The following TAF2 variants were observed in gnomAD, a reference collection of about 807,000 sequenced individuals.
The protein encoded by TAF2 is TATA-box binding protein associated factor 2.
In TAF2, 61 loss-of-function variants were observed where a neutral mutation model predicts 138.5. That is an observed-to-expected ratio of 0.44 (90% CI 0.36 to 0.54). The LOEUF is 0.54. Ranked by LOEUF, TAF2 falls within the 20% of genes least tolerant of loss-of-function variation. TAF2 has a pLI of 0.00. For synonymous variants in TAF2, 475 were observed against 469.9 expected (o/e 1.01, Z -0.14); for missense variants, 1,090 against 1,427.9 (o/e 0.76, Z 3.81).
intron 14 of TAF2, among the ~76,000 whole-genome samples, chr8:119,786,839 T>C (rs1000482335): frequency 4.6e-5 from 7 of 152,120 alleles, no homozygotes; most frequent in Admixed American, 2.6e-4. Flanking sequence ...GGAGAATTGC[T>C]TGAACCGGGA....
At chr8:119,807,018 G>T (rs1302532160) in intron 3 of TAF2, among the ~76,000 whole-genome samples, 1 of 152,126 alleles carries the variant, frequency 6.6e-6, no homozygotes, top group African/African-American at 2.4e-5. Context: ...CAAATGTAAA[G>T]AATACGTGAA....
intron 2 of TAF2, among the ~76,000 whole-genome samples, chr8:119,825,902 C>G (rs1309795565): frequency 1.3e-5 from 2 of 151,204 alleles, no homozygotes; most frequent in East Asian, 3.9e-4. Flanking sequence ...CTGTGTTAGC[C>G]AGGATGGTCT....
chr8:119,818,456 T>C (rs537225027), intron 3 of TAF2, among the ~76,000 whole-genome samples: 5 of 152,156 alleles, frequency 3.3e-5, no homozygotes, highest in African/African-American at 4.8e-5. Context: ...CCCAATGTTA[T>C]CAAAGCTTTG....
intron 2 of TAF2, among the ~76,000 whole-genome samples, chr8:119,825,723 C>T (rs970832102): frequency 1.3e-5 from 2 of 152,064 alleles, no homozygotes; most frequent in African/African-American, 2.4e-5. Flanking sequence ...CTCGCTCTGT[C>T]GCCCAGGCTG....
rs1290621180 is a variant in TAF2, at chr8:119,762,533, T to C, written c.2440A>G (p.Asn814Asp). The change falls in exon 19 of 26, where the codon AAT becomes GAT. Residue 814 changes from asparagine to aspartate, a missense_variant. Coordinates refer to ENST00000378164, the MANE Select transcript of TAF2 (RefSeq NM_003184.4). Reference protein sequence around the residue: ...NSVTPAVSVNNEVRTLDNLNP... With the variant: ...NSVTPAVSVNDEVRTLDNLNP... The stretch of plus-strand genomic sequence containing the variant: ...AAGTTATCCAAAGTTCTAACTTCAT[T>C]ATTCACACTGACTGCAGGTGTAACA... The C allele has an allele frequency of 5.0e-6, 8 of 1,613,806 alleles. No individual in the cohort carries two copies. The highest frequency in any genetic ancestry group is 4.0e-5 in the African/African-American group (3 of 74,924).
At chr8:119,791,518 A>G in intron 10 of TAF2, 59 bp from the exon 11 acceptor site, 1 of 1,557,668 alleles carries the variant, frequency 6.4e-7, no homozygotes, top group East Asian at 2.4e-5. Flanking sequence ...ATAAAAAATA[A>G]ATTTCATGAC....
chr8:119,802,612 T>C (rs1024791912), intron 5 of TAF2, among the ~76,000 whole-genome samples: 12 of 152,180 alleles, frequency 7.9e-5, no homozygotes, highest in Non-Finnish European at 1.3e-4. Flanking sequence ...AGAGAAGTTA[T>C]TATAATAATC....
chr8:119,745,882 TCAG>T (rs914681866), intron 23 of TAF2, among the ~76,000 whole-genome samples: 1 of 150,944 alleles, frequency 6.6e-6, no homozygotes, highest in African/African-American at 2.4e-5. Flanking sequence ...TCCTCCCAAA[TCAG>T]CAGATTATTA....
intron 21 of TAF2, 72 bp downstream of exon 21, chr8:119,758,001 T>G (rs1231878026): frequency 2.5e-6 from 3 of 1,218,614 alleles, no homozygotes; most frequent in Non-Finnish European, 3.6e-6. Flanking sequence ...AAGCATTTTA[T>G]GTGTAATCTG....
chr8:119,827,933 T>C (rs747344194), intron 2 of TAF2, among the ~76,000 whole-genome samples: 6 of 151,990 alleles, frequency 3.9e-5, no homozygotes, highest in African/African-American at 9.7e-5. Context: ...TTAGTAGAGA[T>C]AGGGTTTCAC....
chr8:119,763,776 A>G lies in TAF2; in HGVS notation c.2365-1168T>C, dbSNP rs548834638. 9.2e-5 allele frequency among the ~76,000 whole-genome samples: 14 copies of G among 152,102 alleles called. No homozygotes were observed. The South Asian group carries it at 2.9e-3, about 32-fold the overall frequency. On this transcript the variant is annotated intron_variant, in intron 18 of 25. Coordinates refer to ENST00000378164, the MANE Select transcript of TAF2 (RefSeq NM_003184.4). ...CTGTACTCTATTTAGCCTGGGTGAC[A>G]GAGCAAGACTCCATCTCAAGTGAGC... is the stretch of plus-strand genomic sequence containing the variant.
At chr8:119,791,787 C>A (rs895118492) in intron 10 of TAF2, 1 of 188,914 alleles carries the variant, frequency 5.3e-6, no homozygotes, top group Non-Finnish European at 1.1e-5. Flanking sequence ...GAAGCATGCA[C>A]TAAAATATAT....
intron 2 of TAF2, among the ~76,000 whole-genome samples, chr8:119,831,288 G>A (rs1826430133): frequency 6.6e-6 from 1 of 152,072 alleles, no homozygotes; most frequent in South Asian, 2.1e-4. Flanking sequence ...AGTCAGTCAA[G>A]AAGCAAAAAT....
In TAF2 at chr8:119,785,184, T is replaced by C. The variant is rs369546639; in HGVS notation, c.1859+17A>G. 2.5e-6 allele frequency: 4 copies of C among 1,597,378 alleles called. No individual in the cohort carries two copies. The African/African-American group carries it at 5.4e-5, about 21-fold the overall frequency. On this transcript the variant is annotated intron_variant, in intron 15 of 25. Transcript: ENST00000378164. ...GCAGAAAGTATTATAACCTTATATT[T>C]AAGTTAACTAACTTACTCCATTGCA...
chr8:119,799,757 C>T (rs2131200035), intron 6 of TAF2, among the ~76,000 whole-genome samples: 1 of 152,328 alleles, frequency 6.6e-6, no homozygotes, highest in East Asian at 1.9e-4. Flanking sequence ...AACTAGTTTA[C>T]AGTCCCACCA....
In TAF2 at chr8:119,785,088, A is replaced by T. The variant is rs1043414737; in HGVS notation, c.1859+113T>A. The T allele has an allele frequency of 5.2e-6, 4 of 767,490 alleles. No homozygotes were observed. In the African/African-American group the frequency reaches 5.3e-5, roughly 10 times the overall value. 47.5% of individuals were successfully genotyped at this position (767,490 alleles called of 1,614,324 possible). The stretch of plus-strand genomic sequence containing the variant: ...ATAGGGTTTCTATTAAATTAAAATA[A>T]TGTTAAAGCACTCATTTGGAGGACA... On this transcript the variant is annotated intron_variant, in intron 15 of 25. Coordinates refer to ENST00000378164, the MANE Select transcript of TAF2 (RefSeq NM_003184.4).
chr8:119,751,817 G>T (rs554348502), intron 22 of TAF2, among the ~76,000 whole-genome samples: 1 of 152,196 alleles, frequency 6.6e-6, no homozygotes, highest in Non-Finnish European at 1.5e-5. Context: ...ACCATATAAT[G>T]TAAAAGGTCC....
chr8:119,830,603 A>C (rs1358442665), intron 2 of TAF2, among the ~76,000 whole-genome samples: 1 of 152,218 alleles, frequency 6.6e-6, no homozygotes, highest in Non-Finnish European at 1.5e-5. Flanking sequence ...AAATTTAATA[A>C]ATCTTTTAGG....
intron 23 of TAF2, 30 bp from the exon 24 acceptor site, chr8:119,744,423 A>G (rs1819811203): frequency 6.3e-7 from 1 of 1,579,838 alleles, no homozygotes; most frequent in Non-Finnish European, 8.7e-7. Context: ...AACAGAGGAT[A>G]AAAGAACCAT....
Sources: allele counts gnomAD v4.1 joint callset (sites outside exome capture counted in the v4.1 genomes callset), GRCh38; gene constraint gnomAD v4.1.1; transcripts MANE v1.5; gene names NCBI Gene and HGNC (gene_info 2026-07-23, HGNC 2026-07-21).